Variants in PPP2R5A observed in about 807,000 individuals in gnomAD.
PPP2R5A encodes protein phosphatase 2 regulatory subunit B'alpha.
In PPP2R5A, 25 loss-of-function variants were observed where a neutral mutation model predicts 64.2. That is an observed-to-expected ratio of 0.39 (90% confidence interval 0.28 to 0.54). PPP2R5A has a LOEUF of 0.54. Ranked by LOEUF, PPP2R5A falls within the 20% of genes least tolerant of loss-of-function variation. The pLI, the probability that PPP2R5A is intolerant of heterozygous loss-of-function variation, is 0.67. For synonymous variants in PPP2R5A, 198 were observed against 201.2 expected (o/e 0.98, Z 0.13); for missense variants, 425 against 576.3 (o/e 0.74, Z 2.69).
intron 2 of PPP2R5A, among the ~76,000 whole-genome samples, chr1:212,332,749 T>C (rs561003873): frequency 7.9e-5 from 12 of 152,270 alleles, no homozygotes; most frequent in African/African-American, 2.9e-4. Context: ...AAGGCAAGTA[T>C]AGAATATGGC....
At chr1:212,338,777 ACT>A (rs1490438074) in intron 3 of PPP2R5A, among the ~76,000 whole-genome samples, 3 of 141,032 alleles carry the variant, frequency 2.1e-5, no homozygotes, top group African/African-American at 5.4e-5. Flanking sequence ...ACAAAGCAAG[ACT>A]CTGTCTCAAA....
At chr1:212,297,825 C>CTTTTTTTTATTTTTTTA (rs1368421837) in intron 1 of PPP2R5A, 1 of 22,120 alleles carries the variant, frequency 4.5e-5, no homozygotes, top group Non-Finnish European at 7.6e-5. Flanking sequence ...TTTTTTTTTT[C>CTTTTTTTTATTTTTTTA]TTTTTTATTT....
intron 12 of PPP2R5A, among the ~76,000 whole-genome samples, chr1:212,360,060 T>C (rs1660052301): frequency 1.3e-5 from 2 of 152,234 alleles, no homozygotes; most frequent in African/African-American, 4.8e-5. Flanking sequence ...ATGTTTTCCT[T>C]AGAACTGAAA....
At chr1:212,353,966 C>T (rs1208099282) in intron 8 of PPP2R5A, among the ~76,000 whole-genome samples, 1 of 151,908 alleles carries the variant, frequency 6.6e-6, no homozygotes, top group Admixed American at 6.6e-5. Context: ...GGGTAGATCA[C>T]GAGGTCAGGA....
At chr1:212,359,789 A>C (rs1660048206) in intron 12 of PPP2R5A, among the ~76,000 whole-genome samples, 1 of 152,234 alleles carries the variant, frequency 6.6e-6, no homozygotes, top group Non-Finnish European at 1.5e-5. Flanking sequence ...AGCAGCATTC[A>C]GGCAGGAATA....
At chr1:212,307,535 T>C (rs1234929315) in intron 1 of PPP2R5A, among the ~76,000 whole-genome samples, 1 of 152,206 alleles carries the variant, frequency 6.6e-6, no homozygotes, top group Non-Finnish European at 1.5e-5. Flanking sequence ...TTTGTGCTGT[T>C]ATTAGCAAAT....
chr1:212,313,880 T>G (rs1659094042), intron 1 of PPP2R5A: 1 of 152,214 alleles, frequency 6.6e-6, no homozygotes, highest in Non-Finnish European at 1.5e-5. Context: ...ACTTTATTTT[T>G]CCAGACGCAT....
chr1:212,319,618 CTT>C (rs11417541), intron 1 of PPP2R5A: 2 of 126,962 alleles, frequency 1.6e-5, no homozygotes, highest in Admixed American at 8.0e-5. Context: ...GTTTTCTTTT[CTT>C]TTTTTTTTTT....
Position 212,286,287 on chromosome 1 carries a change from CA to C in PPP2R5A, c.180del (p.Asp61MetfsTer31). 6.6e-7 allele frequency: 1 copy of C among 1,516,542 alleles called. No individual in the cohort carries two copies. The highest frequency in any genetic ancestry group is 8.8e-7 in the Non-Finnish European group (1 of 1,133,222). 93.9% of individuals were successfully genotyped at this position (1,516,542 alleles called of 1,614,324 possible). The stretch of plus-strand genomic sequence containing the variant: ...CAGAGCTGCACCCGCTGCCCCAGCT[CA>C]AAGGTAACCTCCGAGGGCGCAGCCC... ...QAELHPLPQLKDATSNEQQEL... is the reference protein window; with the variant it reads ...QAELHPLPQLXDATSNEQQEL... On this transcript the variant is annotated frameshift_variant, in exon 1 of 13. Transcript: ENST00000261461. LOFTEE classifies it high-confidence loss of function.
intron 1 of PPP2R5A, among the ~76,000 whole-genome samples, chr1:212,286,790 C>T (rs74942477): frequency 0.013 from 2,015 of 152,244 alleles, 44 homozygotes; most frequent in African/African-American, 0.044. Flanking sequence ...TTGATTGCCC[C>T]TAAGAGTCAT....
chr1:212,321,394 G>C (rs1484400840), intron 1 of PPP2R5A, among the ~76,000 whole-genome samples: 3 of 151,990 alleles, frequency 2.0e-5, no homozygotes, highest in Admixed American at 1.3e-4. Context: ...TCCCAGACGG[G>C]GTGGCTGCCA....
At chr1:212,320,831 C>A (rs1369503215) in intron 1 of PPP2R5A, among the ~76,000 whole-genome samples, 1 of 139,048 alleles carries the variant, frequency 7.2e-6, no homozygotes, top group Non-Finnish European at 1.6e-5. Context: ...CCACCTCCCT[C>A]CTGGACGGGG....
At chr1:212,287,683 T>C (rs567208264) in intron 1 of PPP2R5A, among the ~76,000 whole-genome samples, 2 of 148,912 alleles carry the variant, frequency 1.3e-5, no homozygotes, top group South Asian at 4.5e-4. Flanking sequence ...AATGGTAGAC[T>C]ATAATGATAG....
intron 5 of PPP2R5A, among the ~76,000 whole-genome samples, chr1:212,346,967 T>G (rs764541850): frequency 7.0e-4 from 107 of 152,226 alleles, no homozygotes; most frequent in Admixed American, 1.6e-3. Flanking sequence ...AAATTCTGAT[T>G]AAAAATGGCT....
At chr1:212,342,848 CTTTT>C in intron 4 of PPP2R5A, among the ~76,000 whole-genome samples, 1 of 149,356 alleles carries the variant, frequency 6.7e-6, no homozygotes, top group South Asian at 2.1e-4. Flanking sequence ...GTGATGCCTT[CTTTT>C]TTTTTTATAA....
At chr1:212,316,803 G>A (rs1246678878) in intron 1 of PPP2R5A, among the ~76,000 whole-genome samples, 2 of 151,874 alleles carry the variant, frequency 1.3e-5, no homozygotes, top group Non-Finnish European at 2.9e-5. Context: ...GGGGCTTATT[G>A]ATTATCTGGT....
At chr1:212,309,359 G>T in intron 1 of PPP2R5A, 1 of 1,521,566 alleles carries the variant, frequency 6.6e-7, no homozygotes, top group Non-Finnish European at 9.0e-7. Context: ...TGCCTCCGGA[G>T]TCGCAGTGTC....
chr1:212,339,481 A>G (rs1414373347), intron 3 of PPP2R5A, among the ~76,000 whole-genome samples: 2 of 152,110 alleles, frequency 1.3e-5, no homozygotes, highest in Non-Finnish European at 2.9e-5. Flanking sequence ...CCGGACCTCA[A>G]TATGTATTTA....
intron 3 of PPP2R5A, among the ~76,000 whole-genome samples, chr1:212,336,100 A>AT (rs559466436): frequency 7.1e-4 from 107 of 151,710 alleles, no homozygotes; most frequent in African/African-American, 2.6e-3. Flanking sequence ...TCAAAATATG[A>AT]TTTTTTCTTT....
Sources: allele counts gnomAD v4.1 joint callset (sites outside exome capture counted in the v4.1 genomes callset), GRCh38; gene constraint gnomAD v4.1.1; transcripts MANE v1.5; gene names NCBI Gene and HGNC (gene_info 2026-07-23, HGNC 2026-07-21).